Variants in RIMBP2 observed in about 807,000 individuals in gnomAD.
The protein encoded by RIMBP2 is RIMS-binding protein 2.
RIMBP2 carries 48 observed loss-of-function variants against 118.6 expected under a neutral mutation model. That is an observed-to-expected ratio of 0.40 (90% CI 0.32 to 0.51). The LOEUF is 0.51. Among genes scored for constraint, RIMBP2 ranks in the 20% least tolerant of loss-of-function variants. The probability of loss-of-function intolerance (pLI) is 0.41; values close to 1 mark genes in which losing one functional copy is unlikely to be tolerated. For missense variants in RIMBP2, 1,551 were observed against 1,768.3 expected, an observed-to-expected ratio of 0.88 and a Z score of 2.20; for synonymous variants, 762 against 742.9, an observed-to-expected ratio of 1.03 and a Z score of -0.42.
intron 2 of RIMBP2, among the ~76,000 whole-genome samples, chr12:130,539,174 T>C (rs948693787): frequency 6.6e-5 from 10 of 152,242 alleles, no homozygotes; most frequent in Non-Finnish European, 1.5e-4. Context: ...TATACATACA[T>C]ATATATTTTT....
At chr12:130,681,282 A>G (rs1480158822) in intron 1 of RIMBP2, among the ~76,000 whole-genome samples, 2 of 144,086 alleles carry the variant, frequency 1.4e-5, no homozygotes, top group Non-Finnish European at 3.1e-5. Context: ...TATCTCTAAA[A>G]AAAAATAAAA....
chr12:130,678,978 G>A (rs774571117), intron 1 of RIMBP2, among the ~76,000 whole-genome samples: 3 of 152,216 alleles, frequency 2.0e-5, no homozygotes, highest in Non-Finnish European at 4.4e-5. Flanking sequence ...GGAACTAGAC[G>A]CTGGTGATGT....
chr12:130,456,791 ATG>A, intron 6 of RIMBP2, 91 bp from the exon 7 acceptor site: 1 of 967,450 alleles, frequency 1.0e-6, no homozygotes, highest in East Asian at 2.6e-5. Flanking sequence ...ACGTGTGCAC[ATG>A]TGCACTGTGT....
In RIMBP2 at chr12:130,428,290, C is replaced by A. The variant is rs374975200; in HGVS notation, c.2301G>T (p.Gly767=). Residue 767 remains glycine (G), a synonymous_variant, in exon 15 of 23, where the codon GGG becomes GGT. Transcript: ENST00000690449. ...GDEYHTESSR[G]SDLSDIMEED... ...CCTCCATGATGTCTGAGAGGTCAGA[C>A]CCCCGGCTGCTCTCTGTGTGGTACT... The A allele has an allele frequency of 1.9e-6, 3 of 1,612,988 alleles. No homozygotes were observed. The highest frequency in any genetic ancestry group is 2.2e-5 in the East Asian group (1 of 44,802).
At position 130,710,810 on chromosome 12, in the gene RIMBP2, C is replaced by T. The variant is rs563489714; in HGVS notation, c.-352+5412G>A. ...AACAAATGAGAATATCCCAAATGGACGTCTTCAGGCCTCTCCCTGCTCTAC... is the reference window on the plus strand; with the variant it reads ...AACAAATGAGAATATCCCAAATGGATGTCTTCAGGCCTCTCCCTGCTCTAC... On this transcript the variant is annotated intron_variant, in intron 1 of 22. Coordinates refer to ENST00000690449, the MANE Select transcript of RIMBP2 (RefSeq NM_001393629.1). This position sits in a 1 kb window ranked among gnomAD's most constrained non-coding sequence, Gnocchi z 4.3. Among the ~76,000 whole-genome samples the T allele has an allele frequency of 3.0e-4, 45 of 152,354 alleles. No individual in the cohort carries two copies. The highest frequency in any genetic ancestry group is 3.4e-3 in the Middle Eastern group (1 of 294).
intron 2 of RIMBP2, among the ~76,000 whole-genome samples, chr12:130,591,489 CA>C (rs2059262650): frequency 6.6e-6 from 1 of 152,070 alleles, no homozygotes; most frequent in African/African-American, 2.4e-5. Context: ...TGACTTAGAA[CA>C]GTGGAAATTT....
chr12:130,463,061 G>T lies in RIMBP2; in HGVS notation c.154-6361C>A, dbSNP rs891449951. Among the ~76,000 whole-genome samples, 9 of 152,336 alleles carry T rather than the reference G, an allele frequency of 5.9e-5. No individual in the cohort carries two copies. The East Asian group carries it at 1.7e-3, about 29-fold the overall frequency. ...GGAAGGCTCTCGTGACTGCCAGGGGGGTCCCTGCTGGGGCTAAGAGCTTCC... is the reference window on the plus strand; with the variant it reads ...GGAAGGCTCTCGTGACTGCCAGGGGTGTCCCTGCTGGGGCTAAGAGCTTCC... On this transcript the variant is annotated intron_variant, in intron 6 of 22. Coordinates refer to ENST00000690449, the MANE Select transcript of RIMBP2 (RefSeq NM_001393629.1).
chr12:130,460,083 G>C (rs1291599505), intron 6 of RIMBP2, among the ~76,000 whole-genome samples: 1 of 152,202 alleles, frequency 6.6e-6, no homozygotes, highest in Non-Finnish European at 1.5e-5. Flanking sequence ...TCTGTCCAAG[G>C]GAGACAGAAA....
At chr12:130,506,822 T>G (rs1471614380) in intron 3 of RIMBP2, 52 bp from the exon 4 acceptor site, 1 of 984,362 alleles carries the variant, frequency 1.0e-6, no homozygotes, top group Non-Finnish European at 1.2e-6. Flanking sequence ...TGCCTAAGAG[T>G]TGGTATCCGT....
At chr12:130,590,445 G>A (rs1261597939) in intron 2 of RIMBP2, among the ~76,000 whole-genome samples, 2 of 152,100 alleles carry the variant, frequency 1.3e-5, no homozygotes, top group Admixed American at 6.5e-5. Flanking sequence ...GCCCATCAGA[G>A]TCCCCGCCAG....
chr12:130,561,151 GGCTCCCTC>G (rs2056791170), intron 2 of RIMBP2, among the ~76,000 whole-genome samples: 2 of 152,104 alleles, frequency 1.3e-5, no homozygotes, highest in African/African-American at 2.4e-5. Flanking sequence ...CCAGAACAGG[GGCTCCCTC>G]ACACCCCTTA....
chr12:130,715,058 ACCT>A (rs901469147), intron 1 of RIMBP2, among the ~76,000 whole-genome samples: 2 of 151,742 alleles, frequency 1.3e-5, no homozygotes, highest in African/African-American at 2.4e-5. Context: ...GAGCCCGGAC[ACCT>A]CCTCTTCCCA....
intron 2 of RIMBP2, among the ~76,000 whole-genome samples, chr12:130,549,363 G>GT (rs1319549192): frequency 6.6e-6 from 1 of 152,186 alleles, no homozygotes; most frequent in East Asian, 1.9e-4. Context: ...ACAGTCCAGT[G>GT]TTTTTTCTTA....
intron 2 of RIMBP2, among the ~76,000 whole-genome samples, chr12:130,594,394 A>G (rs924860233): frequency 6.6e-6 from 1 of 152,208 alleles, no homozygotes; most frequent in African/African-American, 2.4e-5. Flanking sequence ...GGTAGAGGAG[A>G]GCAGAAGACT....
intron 1 of RIMBP2, among the ~76,000 whole-genome samples, chr12:130,680,445 G>A (rs2064725233): frequency 1.3e-5 from 2 of 152,178 alleles, no homozygotes; most frequent in Non-Finnish European, 2.9e-5. Context: ...GCAGGGCAGT[G>A]GGCACAGTCA....
intron 2 of RIMBP2, among the ~76,000 whole-genome samples, chr12:130,532,404 GTTAC>G (rs1171700996): frequency 7.9e-5 from 12 of 151,098 alleles, no homozygotes; most frequent in Middle Eastern, 7.0e-3. Flanking sequence ...GCCTCTAGGA[GTTAC>G]GTCTAATGAG....
At chr12:130,561,734 G>C (rs2056837014) in intron 2 of RIMBP2, among the ~76,000 whole-genome samples, 2 of 152,014 alleles carry the variant, frequency 1.3e-5, no homozygotes, top group African/African-American at 4.8e-5. Flanking sequence ...TGATAAAAGG[G>C]GGTTTCTGAA....
chr12:130,476,588 AG>A (rs2081449016), intron 5 of RIMBP2, among the ~76,000 whole-genome samples: 1 of 152,110 alleles, frequency 6.6e-6, no homozygotes, highest in South Asian at 2.1e-4. Context: ...CTGGTTCCCA[AG>A]GGGGCCTGTG....
At position 130,446,027 on chromosome 12, in the gene RIMBP2, C is replaced by CCCT. The variant is rs2078497315; in HGVS notation, c.582-759_582-758insAGG. Among the ~76,000 whole-genome samples the CCCT allele has an allele frequency of 2.3e-5, 3 of 130,952 alleles. No individual in the cohort carries two copies. Among genetic ancestry groups the CCCT allele is most frequent in the Non-Finnish European group, 4.5e-5 (3 of 67,210 alleles). 85.9% of individuals were successfully genotyped at this position (130,952 alleles called of 152,430 possible). A position where few individuals can be genotyped will look rare whatever the true frequency, so the allele number is the denominator to read the frequency against. ...GACGCATGATTTTATGCTCCCCCCC[C>CCCT]CCACACCCCCAGGAATATAAGAGTA... On this transcript the variant is annotated intron_variant, in intron 9 of 22. Transcript: ENST00000690449. This position sits in a 1 kb window ranked among gnomAD's most constrained non-coding sequence, Gnocchi z 4.1.
Sources: allele counts gnomAD v4.1 joint callset (sites outside exome capture counted in the v4.1 genomes callset), GRCh38; gene constraint gnomAD v4.1.1; non-coding constraint Gnocchi (gnomAD v3.1); transcripts MANE v1.5; gene names NCBI Gene and HGNC (gene_info 2026-07-23, HGNC 2026-07-21).